CEP85L: variants seen among roughly 807,000 people sequenced by gnomAD.
CEP85L encodes centrosomal protein of 85 kDa-like.
CEP85L carries 60 observed loss-of-function variants against 100.3 expected under a neutral mutation model. The ratio of observed to expected loss-of-function variants is 0.60; its 90% CI spans 0.49 to 0.74. The LOEUF (loss-of-function observed/expected upper bound fraction) is 0.74, where lower values mean the gene tolerates loss of function less well. Among genes scored for constraint, CEP85L ranks in the 30% least tolerant of loss-of-function variants. The pLI is 0.00. For synonymous variants in CEP85L, 319 were observed against 322.7 expected (o/e 0.99, Z 0.12); for missense variants, 973 against 936.2 (o/e 1.04, Z -0.51).
intron 8 of CEP85L, among the ~76,000 whole-genome samples, chr6:118,480,884 G>C (rs1773729548): frequency 1.3e-5 from 2 of 152,184 alleles, no homozygotes; most frequent in African/African-American, 4.8e-5. Context: ...GATCATTGCA[G>C]GGAACCTAAG....
At chr6:118,519,141 G>C (rs1484508950) in intron 4 of CEP85L, among the ~76,000 whole-genome samples, 3 of 152,020 alleles carry the variant, frequency 2.0e-5, no homozygotes, top group African/African-American at 7.2e-5. Flanking sequence ...AATTATCTCA[G>C]CCTCCACTTT....
In CEP85L at chr6:118,709,058, A is replaced by G. The variant is rs2114396185; in HGVS notation, c.-28+978T>C. Among the ~76,000 whole-genome samples the G allele has an allele frequency of 1.3e-5, 2 of 152,300 alleles. 1 individual carries two copies. The highest frequency in any genetic ancestry group is 4.2e-4 in the South Asian group (2 of 4,818). ...ATAGCCCCGATTTTGTACCTAACAG[A>G]TCTCGGAAAGGGACTGACAGCCCAC... On this transcript the variant is annotated intron_variant, in intron 1 of 13. Transcript: ENST00000368488.
intron 5 of CEP85L, chr6:118,501,997 G>T: frequency 1.2e-6 from 1 of 825,784 alleles, no homozygotes; most frequent in South Asian, 1.5e-5. Flanking sequence ...CAGGTGGCTT[G>T]TTAACAGTCA....
At chr6:118,548,567 G>A (rs3752581) in intron 3 of CEP85L, among the ~76,000 whole-genome samples, 70,493 of 151,784 alleles carry the variant, frequency 0.46, 16,872 homozygotes, top group Middle Eastern at 0.57. Context: ...TCCATTTAGT[G>A]ACAGGAAAAA....
intron 1 of CEP85L, among the ~76,000 whole-genome samples, chr6:118,685,484 C>G (rs1776800045): frequency 6.6e-6 from 1 of 152,094 alleles, no homozygotes; most frequent in Non-Finnish European, 1.5e-5. Flanking sequence ...TATTCTAGCT[C>G]ACAATGAAAA....
At chr6:118,492,628 T>C (rs1324276870) in intron 5 of CEP85L, among the ~76,000 whole-genome samples, 1 of 152,278 alleles carries the variant, frequency 6.6e-6, no homozygotes, top group Non-Finnish European at 1.5e-5. Flanking sequence ...TGTAAAAAGA[T>C]ATCAACAAAG....
At chr6:118,571,749 C>T (rs1246462615) in intron 2 of CEP85L, among the ~76,000 whole-genome samples, 3 of 152,110 alleles carry the variant, frequency 2.0e-5, no homozygotes, top group South Asian at 4.1e-4. Context: ...TATCAAAACA[C>T]TGATTTAAAA....
chr6:118,529,701 A>G (rs1777183489), intron 3 of CEP85L, among the ~76,000 whole-genome samples: 1 of 151,850 alleles, frequency 6.6e-6, no homozygotes, highest in African/African-American at 2.4e-5. Flanking sequence ...GAGGAGAAAA[A>G]GCCCTTTCCC....
At chr6:118,603,430 T>C (rs148386233) in intron 2 of CEP85L, among the ~76,000 whole-genome samples, 1 of 152,234 alleles carries the variant, frequency 6.6e-6, no homozygotes, top group African/African-American at 2.4e-5. Context: ...TGTGTCCTGT[T>C]ACAAAAGAAA....
chr6:118,652,052 A>C (rs765485848), upstream of CEP85L, among the ~76,000 whole-genome samples: 34 of 152,060 alleles, frequency 2.2e-4, no homozygotes, highest in Non-Finnish European at 4.3e-4. Flanking sequence ...TTTATAGATT[A>C]CTTTAGGGGC....
At chr6:118,501,962 T>C in intron 5 of CEP85L, 1 of 881,132 alleles carries the variant, frequency 1.1e-6, no homozygotes, top group South Asian at 1.5e-5. Flanking sequence ...GACTGCATCA[T>C]GAAGGAATCT....
chr6:118,535,028 C>CTAAA (rs1323430071), intron 3 of CEP85L, among the ~76,000 whole-genome samples: 3 of 151,960 alleles, frequency 2.0e-5, no homozygotes, highest in African/African-American at 7.3e-5. Flanking sequence ...ACTGTTTTCT[C>CTAAA]TAAATAAATA....
At chr6:118,539,296 A>G (rs1777773709) in intron 3 of CEP85L, among the ~76,000 whole-genome samples, 1 of 152,216 alleles carries the variant, frequency 6.6e-6, no homozygotes, top group Admixed American at 6.5e-5. Flanking sequence ...GTACACAGTA[A>G]CACTGTGTTA....
upstream of CEP85L, chr6:118,652,424 A>T: frequency 8.7e-7 from 1 of 1,148,212 alleles, no homozygotes; most frequent in African/African-American, 1.6e-5. Flanking sequence ...CAATATGGTG[A>T]TGCTTCCAAC....
intron 3 of CEP85L, among the ~76,000 whole-genome samples, chr6:118,561,302 G>A (rs1232491614): frequency 6.6e-6 from 1 of 152,086 alleles, no homozygotes; most frequent in Non-Finnish European, 1.5e-5. Context: ...TGGAAAATTT[G>A]AACTGATTAG....
chr6:118,623,160 A>G (rs937575524), intron 2 of CEP85L, among the ~76,000 whole-genome samples: 1 of 152,198 alleles, frequency 6.6e-6, no homozygotes, highest in Non-Finnish European at 1.5e-5. Context: ...ACCTTCTCCA[A>G]ACTATGCGGC....
chr6:118,683,751 A>G lies in CEP85L; in HGVS notation c.-28+26285T>C, dbSNP rs548160703. 3.3e-5 allele frequency among the ~76,000 whole-genome samples: 5 copies of G among 152,354 alleles called. 1 individual carries two copies. The highest frequency in any genetic ancestry group is 1.2e-4 in the African/African-American group (5 of 41,594). ...TTAAAGGGCAGGAATCAAAAACATG[A>G]TCAACTCTGTAAAAGCCCTGAGCTT... On this transcript the variant is annotated intron_variant, in intron 1 of 13. Coordinates refer to the CEP85L transcript ENST00000368488.
intron 2 of CEP85L, among the ~76,000 whole-genome samples, chr6:118,570,925 C>T (rs932850047): frequency 9.2e-5 from 14 of 151,904 alleles, no homozygotes; most frequent in African/African-American, 2.9e-4. Flanking sequence ...CACACACACA[C>T]ATGCACACAC....
At chr6:118,651,946 T>C, upstream of CEP85L, 1 of 984,786 alleles carries the variant, frequency 1.0e-6, no homozygotes, top group African/African-American at 1.7e-5. Context: ...TCACAACCGC[T>C]CGAGATGAAA....
Sources: allele counts gnomAD v4.1 joint callset (sites outside exome capture counted in the v4.1 genomes callset), GRCh38; gene constraint gnomAD v4.1.1; transcripts MANE v1.5; gene names NCBI Gene and HGNC (gene_info 2026-07-23, HGNC 2026-07-21).